The following GNA14 variants were observed in gnomAD, a reference collection of about 807,000 sequenced individuals.
GNA14 encodes guanine nucleotide-binding protein subunit alpha-14.
A neutral mutation model predicts 42.0 loss-of-function variants in GNA14; 50 were observed. The ratio of observed to expected loss-of-function variants is 1.19; its 90% CI spans 0.95 to 1.51. The LOEUF (loss-of-function observed/expected upper bound fraction) is 1.51, where lower values mean the gene tolerates loss of function less well. GNA14 is among the 40% of genes most tolerant of loss of function. GNA14 has a pLI of 0.00. For missense variants in GNA14, 473 were observed against 446.2 expected, an observed-to-expected ratio of 1.06 and a Z score of -0.54; for synonymous variants, 173 against 163.1, an observed-to-expected ratio of 1.06 and a Z score of -0.46.
At chr9:77,515,176 T>C (rs12338849) in intron 2 of GNA14, among the ~76,000 whole-genome samples, 4,474 of 152,260 alleles carry the variant, frequency 0.029, 208 homozygotes, top group African/African-American at 0.1. Context: ...AGTTCTTCAG[T>C]GGATAGGCTT....
At chr9:77,642,866 T>C (rs1331811157) in intron 1 of GNA14, among the ~76,000 whole-genome samples, 1 of 152,100 alleles carries the variant, frequency 6.6e-6, no homozygotes, top group African/African-American at 2.4e-5. Context: ...AGAACACCAT[T>C]TACTGTCCTC....
chr9:77,469,163 A>T (rs184943307), intron 2 of GNA14, among the ~76,000 whole-genome samples: 2 of 151,974 alleles, frequency 1.3e-5, no homozygotes, highest in African/African-American at 4.8e-5. Flanking sequence ...TCTCACCCCC[A>T]TAAGTACTAT....
At chr9:77,612,838 A>G (rs549451965) in intron 1 of GNA14, among the ~76,000 whole-genome samples, 2 of 152,326 alleles carry the variant, frequency 1.3e-5, no homozygotes, top group South Asian at 2.1e-4. Flanking sequence ...TAGAACAAGT[A>G]TAAGATCCAG....
At chr9:77,542,423 G>T (rs970983644) in intron 1 of GNA14, among the ~76,000 whole-genome samples, 13 of 152,168 alleles carry the variant, frequency 8.5e-5, no homozygotes, top group Admixed American at 8.5e-4. Flanking sequence ...TTAGTGGTGG[G>T]AGCAGTGAGC....
chr9:77,484,085 C>T (rs1836613471), intron 2 of GNA14, among the ~76,000 whole-genome samples: 1 of 152,146 alleles, frequency 6.6e-6, no homozygotes, highest in Non-Finnish European at 1.5e-5. Flanking sequence ...AAAGGATGTG[C>T]TCCAGGTAAA....
At chr9:77,442,408 T>G (rs1202800227) in intron 2 of GNA14, among the ~76,000 whole-genome samples, 3 of 152,132 alleles carry the variant, frequency 2.0e-5, no homozygotes, top group Non-Finnish European at 4.4e-5. Context: ...GATGCAATAG[T>G]TAATAACTGC....
chr9:77,502,430 C>G (rs534359858), intron 2 of GNA14, among the ~76,000 whole-genome samples: 4 of 152,098 alleles, frequency 2.6e-5, no homozygotes, highest in African/African-American at 9.7e-5. Context: ...CAGGGGAAGT[C>G]GGGGAGGGGA....
At chr9:77,446,796 T>C (rs1393602600) in intron 2 of GNA14, among the ~76,000 whole-genome samples, 3 of 152,204 alleles carry the variant, frequency 2.0e-5, no homozygotes, top group African/African-American at 7.2e-5. Flanking sequence ...ACTGGTTGAC[T>C]GTTTTAACTT....
At chr9:77,521,176 C>T (rs151324494) in intron 2 of GNA14, among the ~76,000 whole-genome samples, 3 of 152,264 alleles carry the variant, frequency 2.0e-5, no homozygotes, top group African/African-American at 7.2e-5. Flanking sequence ...GTTGTGACAA[C>T]AGGTAGAGCT....
intron 2 of GNA14, among the ~76,000 whole-genome samples, chr9:77,444,094 T>C (rs916889739): frequency 3.3e-5 from 5 of 152,196 alleles, no homozygotes; most frequent in African/African-American, 1.2e-4. Flanking sequence ...AGTTGAGAGA[T>C]GGTATGTGTG....
intron 1 of GNA14, among the ~76,000 whole-genome samples, chr9:77,612,031 T>C (rs1213173778): frequency 1.3e-5 from 2 of 152,134 alleles, no homozygotes; most frequent in Non-Finnish European, 2.9e-5. Context: ...TTGTCACTAA[T>C]AATAACAATA....
Position 77,601,463 on chromosome 9 carries a change from A to C in GNA14, c.124+46207T>G, listed in dbSNP as rs541579777. ...TATTTGAATAAAGCTCTCTGACCTT[A>C]TATGTTTTAGGAATGAAGAGTTCCA... On this transcript the variant is annotated intron_variant, in intron 1 of 6. Transcript: ENST00000341700. Among the ~76,000 whole-genome samples the C allele has an allele frequency of 4.1e-4, 63 of 152,230 alleles. 1 individual carries two copies. Among genetic ancestry groups the C allele is most frequent in the Middle Eastern group, 3.2e-3 (1 of 316 alleles).
chr9:77,434,165 G>C (rs1835603451), intron 3 of GNA14, among the ~76,000 whole-genome samples: 1 of 152,172 alleles, frequency 6.6e-6, no homozygotes, highest in Non-Finnish European at 1.5e-5. Context: ...AGGAAGAGAG[G>C]TCTGCGATCC....
At chr9:77,566,627 G>A (rs969255201) in intron 1 of GNA14, among the ~76,000 whole-genome samples, 2 of 152,182 alleles carry the variant, frequency 1.3e-5, no homozygotes, top group Admixed American at 1.3e-4. Flanking sequence ...AATCCAGCTA[G>A]AAGAGTTTGA....
chr9:77,562,497 G>T (rs891777550), intron 1 of GNA14, among the ~76,000 whole-genome samples: 1 of 152,046 alleles, frequency 6.6e-6, no homozygotes, highest in African/African-American at 2.4e-5. Context: ...AAAATGGGAG[G>T]CTGATCCAGT....
chr9:77,460,965 G>GA (rs1255599741), intron 2 of GNA14, among the ~76,000 whole-genome samples: 3 of 152,206 alleles, frequency 2.0e-5, no homozygotes, highest in African/African-American at 7.2e-5. Flanking sequence ...CAAGGGCTCA[G>GA]AAAATAAAGT....
chr9:77,595,088 T>C (rs1009004320), intron 1 of GNA14, among the ~76,000 whole-genome samples: 2 of 152,206 alleles, frequency 1.3e-5, no homozygotes, highest in African/African-American at 4.8e-5. Flanking sequence ...GGTTACAGAA[T>C]GCTATAGGGT....
chr9:77,628,808 C>T (rs1045868673), intron 1 of GNA14, among the ~76,000 whole-genome samples: 1 of 152,072 alleles, frequency 6.6e-6, no homozygotes, highest in Non-Finnish European at 1.5e-5. Flanking sequence ...TAGGCAATAC[C>T]ATGTAGGACA....
At chr9:77,457,159 T>C (rs1836014879) in intron 2 of GNA14, among the ~76,000 whole-genome samples, 1 of 152,208 alleles carries the variant, frequency 6.6e-6, no homozygotes, top group Non-Finnish European at 1.5e-5. Flanking sequence ...TCAGAGCTAA[T>C]ATGAAGGTAA....
Sources: allele counts gnomAD v4.1 joint callset (sites outside exome capture counted in the v4.1 genomes callset), GRCh38; gene constraint gnomAD v4.1.1; transcripts MANE v1.5; gene names NCBI Gene and HGNC (gene_info 2026-07-23, HGNC 2026-07-21).